Variants in SENP6 observed in about 807,000 individuals in gnomAD.
SENP6 encodes SUMO specific peptidase 6.
In SENP6, 41 loss-of-function variants were observed where a neutral mutation model predicts 134.5. The ratio of observed to expected loss-of-function variants is 0.30; its 90% CI spans 0.24 to 0.40. SENP6 has a LOEUF of 0.40. Among genes scored for constraint, SENP6 ranks in the 10% least tolerant of loss-of-function variants. The pLI is 1.00. For missense variants in SENP6, 1,248 were observed against 1,312.5 expected (o/e 0.95, Z 0.76); for synonymous variants, 395 against 429.8 (o/e 0.92, Z 1.00).
At chr6:75,638,778 C>A (rs188385507) in intron 5 of SENP6, among the ~76,000 whole-genome samples, 5 of 150,996 alleles carry the variant, frequency 3.3e-5, no homozygotes, top group Non-Finnish European at 7.4e-5. Context: ...CAACAGAGGC[C>A]GGACATGGTT....
chr6:75,657,237 G>C (rs535412718), intron 7 of SENP6, among the ~76,000 whole-genome samples: 2 of 152,270 alleles, frequency 1.3e-5, no homozygotes, highest in Admixed American at 6.5e-5. Flanking sequence ...CAAATAATTG[G>C]TTGTGTGTTT....
At chr6:75,680,368 G>A (rs1773382035) in intron 16 of SENP6, among the ~76,000 whole-genome samples, 1 of 152,170 alleles carries the variant, frequency 6.6e-6, no homozygotes, top group Admixed American at 6.5e-5. Flanking sequence ...TGGCGCTAGA[G>A]TTTGGTTGAG....
chr6:75,642,951 G>T (rs912718017), intron 6 of SENP6, among the ~76,000 whole-genome samples: 125 of 152,184 alleles, frequency 8.2e-4, no homozygotes, highest in African/African-American at 2.9e-3. Context: ...GGGGAGGTGG[G>T]GATTGGAAGG....
chr6:75,622,429 T>C (rs671806), intron 2 of SENP6, among the ~76,000 whole-genome samples: 139,996 of 152,116 alleles, frequency 0.92, 65,007 homozygotes, highest in South Asian at 0.99. Flanking sequence ...TGTGGTGGCA[T>C]ACACCTGTAA....
At chr6:75,708,436 TA>T (rs1383081875) in intron 19 of SENP6, among the ~76,000 whole-genome samples, 1 of 151,774 alleles carries the variant, frequency 6.6e-6, no homozygotes, top group Non-Finnish European at 1.5e-5. Flanking sequence ...AATAAATAAA[TA>T]AAAATCAGCT....
At chr6:75,711,469 A>G in intron 21 of SENP6, 53 bp downstream of exon 21, 1 of 1,186,478 alleles carries the variant, frequency 8.4e-7, no homozygotes. Context: ...GTATGCTCAT[A>G]AAACATAACA....
At chr6:75,635,455 A>G (rs1769439249) in intron 5 of SENP6, among the ~76,000 whole-genome samples, 1 of 152,136 alleles carries the variant, frequency 6.6e-6, no homozygotes, top group Admixed American at 6.6e-5. Flanking sequence ...TTTGGCATAT[A>G]TTTTAGATAC....
intron 3 of SENP6, among the ~76,000 whole-genome samples, chr6:75,624,531 T>C (rs1051765176): frequency 2.6e-5 from 4 of 152,162 alleles, no homozygotes; most frequent in Non-Finnish European, 5.9e-5. Context: ...CGTATCTGTT[T>C]CCCCACACAT....
chr6:75,621,441 G>C, intron 1 of SENP6, 91 bp from the exon 2 acceptor site: 1 of 778,062 alleles, frequency 1.3e-6, no homozygotes. Context: ...ACAAAATCTA[G>C]AATAATCAAA....
In SENP6 at chr6:75,674,708, A is replaced by T. The variant is rs576542720; in HGVS notation, c.1393-727A>T. Among the ~76,000 whole-genome samples the T allele has an allele frequency of 3.3e-5, 5 of 152,340 alleles. No individual in the cohort carries two copies. In the South Asian group the frequency reaches 8.3e-4, roughly 25 times the overall value. The stretch of plus-strand genomic sequence containing the variant: ...CAATCTTTAGAAAGTATGTTTAGTG[A>T]CATTCTAGACTTTGCAATTAATTAT... On this transcript the variant is annotated intron_variant, in intron 11 of 23. Coordinates refer to ENST00000447266, the MANE Select transcript of SENP6 (RefSeq NM_015571.4).
intron 7 of SENP6, among the ~76,000 whole-genome samples, chr6:75,650,198 A>G (rs763841386): frequency 7.2e-5 from 11 of 152,142 alleles, no homozygotes; most frequent in Non-Finnish European, 5.9e-5. Context: ...CACAGAAATG[A>G]TGTTGTGGCA....
intron 3 of SENP6, among the ~76,000 whole-genome samples, chr6:75,625,980 A>C (rs1338103533): frequency 6.6e-6 from 1 of 152,198 alleles, no homozygotes; most frequent in African/African-American, 2.4e-5. Flanking sequence ...ATGATTTTCA[A>C]ATTATTTTGT....
At chr6:75,689,746 G>A (rs1347505784) in intron 16 of SENP6, among the ~76,000 whole-genome samples, 1 of 152,186 alleles carries the variant, frequency 6.6e-6, no homozygotes, top group Non-Finnish European at 1.5e-5. Context: ...CAGGTGTATA[G>A]TGTAGAAGCA....
At chr6:75,653,658 G>GT (rs1300397048) in intron 7 of SENP6, among the ~76,000 whole-genome samples, 13 of 105,086 alleles carry the variant, frequency 1.2e-4, no homozygotes, top group Admixed American at 1.2e-4. Context: ...TTGGAATGTT[G>GT]TGTTTTTTTT....
Position 75,703,116 on chromosome 6 carries a change from A to G in SENP6, c.2716+44A>G, listed in dbSNP as rs376716656. On this transcript the variant is annotated intron_variant, in intron 19 of 23. Transcript: ENST00000447266. ...TGAAAGAATGAAAAAATTCAGAATA[A>G]TCTGGATTTTTTAATAAACAGGATT... 192 of 1,418,060 alleles carry G rather than the reference A, an allele frequency of 1.4e-4. 1 individual carries two copies. The highest frequency in any genetic ancestry group is 1.8e-4 in the Non-Finnish European group (187 of 1,042,566). 87.8% of individuals were successfully genotyped at this position (1,418,060 alleles called of 1,614,324 possible). A position where few individuals can be genotyped will look rare whatever the true frequency, so the allele number is the denominator to read the frequency against.
intron 5 of SENP6, among the ~76,000 whole-genome samples, chr6:75,640,161 G>A (rs868558409): frequency 1.2e-4 from 19 of 152,154 alleles, no homozygotes; most frequent in African/African-American, 3.9e-4. Flanking sequence ...CTGCTATGTA[G>A]CAACACTCTC....
In SENP6 at chr6:75,705,418, G is replaced by A. The variant is rs374052845; in HGVS notation, c.2716+2346G>A. Among the ~76,000 whole-genome samples the A allele has an allele frequency of 2.4e-4, 37 of 152,142 alleles. 2 individuals carry two copies. In the South Asian group the frequency reaches 6.7e-3, roughly 27 times the overall value. ...AAATTAGCTGGGTGTGGTGGTGCCCGCCTGTAATCCTAGCTACTCAGGAGG... is the reference window on the plus strand; with the variant it reads ...AAATTAGCTGGGTGTGGTGGTGCCCACCTGTAATCCTAGCTACTCAGGAGG... On this transcript the variant is annotated intron_variant, in intron 19 of 23. Coordinates refer to ENST00000447266, the MANE Select transcript of SENP6 (RefSeq NM_015571.4).
At chr6:75,621,649 A>G (rs375689983) in intron 2 of SENP6, 24 bp downstream of exon 2, 1 of 1,396,686 alleles carries the variant, frequency 7.2e-7, no homozygotes, top group Non-Finnish European at 1.0e-6. Context: ...TTTCCCTCAG[A>G]TGTTTTATAA....
Position 75,709,547 on chromosome 6 carries a change from C to G in SENP6, c.2737C>G (p.Leu913Val). The G allele has an allele frequency of 6.2e-7, 1 of 1,613,316 alleles. No individual in the cohort carries two copies. The highest frequency in any genetic ancestry group is 8.5e-7 in the Non-Finnish European group (1 of 1,179,506). The change falls in exon 20 of 24, where the codon CTA (leucine) becomes GTA (valine). Residue 913 changes from leucine (L) to valine (V), a missense_variant. This residue lies in a region of SENP6 where 386 missense variants were observed against 395.0 expected (regional missense o/e 0.98). Coordinates refer to ENST00000447266, the MANE Select transcript of SENP6 (RefSeq NM_015571.4). The stretch of plus-strand genomic sequence containing the variant: ...TACAGATGGCTTAAGCAAAATCAGA[C>G]TAAACTATAGCGATGAATCACCTGA... The part of the protein sequence containing the change: ...HHTDGLSKIR[L>V]NYSDESPEAG...
Sources: gnomAD v4.1 joint callset for allele counts (sites outside exome capture counted in the v4.1 genomes callset) on GRCh38, gnomAD v4.1.1 for gene constraint, gnomAD v4.1.1 regional missense constraint, MANE v1.5 for transcripts, NCBI Gene and HGNC (gene_info 2026-07-23, HGNC 2026-07-21) for gene names.